The following SEMA3D variants were observed in gnomAD, a reference collection of about 807,000 sequenced individuals.
SEMA3D encodes the protein semaphorin 3D.
Under a neutral mutation model 100.1 loss-of-function variants are expected in SEMA3D, and 84 were observed. The ratio of observed to expected loss-of-function variants is 0.84; its 90% CI spans 0.70 to 1.01. The LOEUF (loss-of-function observed/expected upper bound fraction) is 1.01. Ranked by LOEUF, SEMA3D falls within the 50% of genes least tolerant of loss-of-function variation. The pLI is 0.00. For synonymous variants in SEMA3D, 312 were observed against 320.7 expected (o/e 0.97, Z 0.29); for missense variants, 875 against 934.1 (o/e 0.94, Z 0.82).
At chr7:85,213,803 T>C in the SEMA3D span, among the ~76,000 whole-genome samples, 1 of 152,188 alleles carries the variant, frequency 6.6e-6, no homozygotes, top group East Asian at 1.9e-4. Flanking sequence ...TTGATAAGTG[T>C]GTTTTATTTT....
At chr7:85,107,498 C>T (rs1357508909) in intron 3 of SEMA3D, among the ~76,000 whole-genome samples, 1 of 152,004 alleles carries the variant, frequency 6.6e-6, no homozygotes, top group Non-Finnish European at 1.5e-5. Context: ...AGTTTCTCTC[C>T]CATAAATTGT....
chr7:85,054,205 G>A (rs1450680580), intron 9 of SEMA3D, among the ~76,000 whole-genome samples: 2 of 151,910 alleles, frequency 1.3e-5, no homozygotes, highest in Non-Finnish European at 2.9e-5. Context: ...CAAGAAATAA[G>A]CATTGAACTG....
At chr7:85,142,362 A>G (rs1484401433) in intron 2 of SEMA3D, 5 of 926,390 alleles carry the variant, frequency 5.4e-6, no homozygotes, top group Non-Finnish European at 6.4e-6. Context: ...TTTAAAATCA[A>G]AATTTATTTC....
intron 2 of SEMA3D, among the ~76,000 whole-genome samples, chr7:85,122,232 CA>C (rs34627101): frequency 3.4e-4 from 49 of 144,062 alleles, no homozygotes; most frequent in Admixed American, 7.7e-4. Flanking sequence ...ACTTAAAGTA[CA>C]AAAAAAAAAA....
At chr7:85,147,748 T>A (rs1055112198) in intron 2 of SEMA3D, among the ~76,000 whole-genome samples, 1 of 152,204 alleles carries the variant, frequency 6.6e-6, no homozygotes, top group Admixed American at 6.5e-5. Context: ...ATATATCTGC[T>A]AATTTATTGT....
rs548772352 is a variant in SEMA3D, at chr7:85,051,121, A to T, written c.861+4596T>A. Among the ~76,000 whole-genome samples, 8 of 151,992 alleles carry T rather than the reference A, an allele frequency of 5.3e-5. No individual in the cohort carries two copies. In the East Asian group the frequency reaches 1.6e-3, roughly 30 times the overall value. ...GGCACCTTCCTCAGTTATCTGTCACATCCAAATTCATATGATCTTATTAAA... is the reference window on the plus strand; with the variant it reads ...GGCACCTTCCTCAGTTATCTGTCACTTCCAAATTCATATGATCTTATTAAA... On this transcript the variant is annotated intron_variant, in intron 9 of 18. Coordinates refer to ENST00000284136, the MANE Select transcript of SEMA3D (RefSeq NM_001384900.1).
chr7:85,057,287 C>T (rs1376697662), intron 8 of SEMA3D, among the ~76,000 whole-genome samples: 1 of 151,690 alleles, frequency 6.6e-6, no homozygotes, highest in African/African-American at 2.4e-5. Flanking sequence ...GTAACAGATG[C>T]GTAATAGGAT....
intron 14 of SEMA3D, among the ~76,000 whole-genome samples, 187 bp downstream of exon 14, chr7:85,020,046 A>G (rs1790212065): frequency 6.6e-6 from 1 of 151,674 alleles, no homozygotes; most frequent in Non-Finnish European, 1.5e-5. Context: ...TATTCTACAG[A>G]GGAAGGTGAG....
rs899757169 is a variant in SEMA3D, at chr7:85,022,378, A to G, written c.1414+13T>C. 2 of 1,581,178 alleles carry G rather than the reference A, an allele frequency of 1.3e-6. No homozygotes were observed. Among genetic ancestry groups the G allele is most frequent in the South Asian group, 2.2e-5 (2 of 90,128 alleles). On this transcript the variant is annotated intron_variant, in intron 13 of 18. Coordinates refer to ENST00000284136, the MANE Select transcript of SEMA3D (RefSeq NM_001384900.1). ...ATTCCTTTTGAAAAAATCCTAATCT[A>G]GTTTTAGCTTACCTGTTCCAAGAAA...
intron 3 of SEMA3D, among the ~76,000 whole-genome samples, chr7:85,116,009 G>T (rs1298027635): frequency 5.3e-5 from 8 of 151,924 alleles, no homozygotes; most frequent in Non-Finnish European, 1.2e-4. Flanking sequence ...TATTCCAACA[G>T]ATATATAGGA....
At chr7:85,104,234 T>C (rs990843720) in intron 3 of SEMA3D, among the ~76,000 whole-genome samples, 2 of 152,074 alleles carry the variant, frequency 1.3e-5, no homozygotes, top group Non-Finnish European at 1.5e-5. Context: ...ACTCCTGTCC[T>C]CATGGAACTC....
At chr7:85,244,055 C>T in the SEMA3D span, among the ~76,000 whole-genome samples, 135 of 152,058 alleles carry the variant, frequency 8.9e-4, no homozygotes, top group Non-Finnish European at 1.4e-3. Flanking sequence ...AGAGAATACC[C>T]AAGGCTAGGT....
Position 85,018,273 on chromosome 7 carries a change from G to T in SEMA3D, c.1524C>A (p.Asn508Lys), listed in dbSNP as rs1562784641. The change falls in exon 15 of 19, where the codon AAC (asparagine) becomes AAA (lysine). Residue 508 changes from asparagine (N) to lysine (K), a missense_variant. Asn to Lys is a moderately conservative substitution (Grantham distance 94). Coordinates refer to ENST00000284136, the MANE Select transcript of SEMA3D (RefSeq NM_001384900.1). ...GTACCTGCTTCAGAGACAATTCCAT[G>T]TTCAAGATGATTGATGAGTGCTGAA... ...QIFKHSSIILNMELSLKQQQL... is the reference protein window; with the variant it reads ...QIFKHSSIILKMELSLKQQQL... The T allele has an allele frequency of 1.3e-6, 2 of 1,595,696 alleles. No homozygotes were observed. Among genetic ancestry groups the T allele is most frequent in the Non-Finnish European group, 1.7e-6 (2 of 1,164,766 alleles).
chr7:85,241,467 G>GTGTGTATATATATATATA, the SEMA3D span, among the ~76,000 whole-genome samples: 58 of 91,956 alleles, frequency 6.3e-4, 1 homozygote, highest in African/African-American at 2.7e-3. Context: ...CTGTGTGTGT[G>GTGTGTATATATATATATA]TATATATATA....
At chr7:85,185,289 C>T (rs1791508562) in intron 1 of SEMA3D, among the ~76,000 whole-genome samples, 1 of 152,078 alleles carries the variant, frequency 6.6e-6, no homozygotes, top group Non-Finnish European at 1.5e-5. Context: ...TCCTCTACCT[C>T]CGCCTCAACC....
the SEMA3D span, among the ~76,000 whole-genome samples, chr7:85,210,331 T>G: frequency 6.6e-6 from 1 of 152,104 alleles, no homozygotes; most frequent in Non-Finnish European, 1.5e-5. Flanking sequence ...AGGTTATTGT[T>G]AAATTTTGAT....
chr7:85,024,099 G>A (rs931761332), intron 12 of SEMA3D, among the ~76,000 whole-genome samples: 10 of 151,810 alleles, frequency 6.6e-5, no homozygotes, highest in African/African-American at 9.7e-5. Context: ...TCAGCCAAGC[G>A]GAATCCGTCA....
intron 9 of SEMA3D, among the ~76,000 whole-genome samples, chr7:85,054,165 A>G (rs1218278217): frequency 6.6e-6 from 1 of 152,084 alleles, no homozygotes; most frequent in Non-Finnish European, 1.5e-5. Context: ...TTTGTTACAA[A>G]TACATTTCTA....
chr7:85,188,835 C>T (rs1008607920), upstream of SEMA3D, among the ~76,000 whole-genome samples: 12 of 152,170 alleles, frequency 7.9e-5, no homozygotes, highest in African/African-American at 2.7e-4. Flanking sequence ...ATTAATCACT[C>T]CCTCCTGTTT....
Sources: allele counts gnomAD v4.1 joint callset (sites outside exome capture counted in the v4.1 genomes callset), GRCh38; gene constraint gnomAD v4.1.1; transcripts MANE v1.5; gene names NCBI Gene and HGNC (gene_info 2026-07-23, HGNC 2026-07-21).